Variants in VPS13B observed in about 807,000 individuals in gnomAD.
The protein encoded by VPS13B is vacuolar protein sorting 13 homolog B.
Under a neutral mutation model 426.4 loss-of-function variants are expected in VPS13B, and 285 were observed. The ratio of observed to expected loss-of-function variants is 0.67; its 90% CI spans 0.61 to 0.74. VPS13B has a LOEUF of 0.74. VPS13B is among the 30% of genes least tolerant of loss of function. VPS13B has a pLI of 0.00. For missense variants in VPS13B, 4,537 were observed against 4,782.6 expected (o/e 0.95, Z 1.51); for synonymous variants, 1,676 against 1,676.4 (o/e 1.00, Z 0.01).
At position 99,511,247 on chromosome 8, in the gene VPS13B, A is replaced by G; in HGVS notation, c.4368A>G (p.Leu1456=). 6.2e-7 allele frequency: 1 copy of G among 1,614,124 alleles called. No individual in the cohort carries two copies. The highest frequency in any genetic ancestry group is 8.5e-7 in the Non-Finnish European group (1 of 1,180,002). ...GTTTTCATAAGTTATCTGAAGGCCT[A>G]ATGGATGGTTCTCCTCATTTTCTTC... is the stretch of plus-strand genomic sequence containing the variant. ...RRSFHKLSEG[L]MDGSPHFLHE... is the part of the protein sequence containing the mutation. Residue 1456 remains leucine (L), a synonymous_variant, in exon 29 of 62, where the codon CTA becomes CTG. Transcript: ENST00000357162.
chr8:99,849,937 G>A (rs1479286181), intron 55 of VPS13B, among the ~76,000 whole-genome samples: 1 of 142,596 alleles, frequency 7.0e-6, no homozygotes, highest in African/African-American at 2.8e-5. Flanking sequence ...ACGCATGTAT[G>A]TACTTATACA....
At chr8:99,141,061 C>A (rs1810394245) in intron 12 of VPS13B, among the ~76,000 whole-genome samples, 1 of 151,920 alleles carries the variant, frequency 6.6e-6, no homozygotes, top group Non-Finnish European at 1.5e-5. Context: ...TTAGAGATAA[C>A]CAATTTTAGA....
intron 22 of VPS13B, among the ~76,000 whole-genome samples, chr8:99,440,060 T>C (rs1278486046): frequency 6.6e-6 from 1 of 152,140 alleles, no homozygotes; most frequent in African/African-American, 2.4e-5. Flanking sequence ...GGAATCAAAA[T>C]AGAGGTGGTT....
chr8:99,666,274 T>G (rs1588604727), intron 35 of VPS13B, among the ~76,000 whole-genome samples: 1 of 152,024 alleles, frequency 6.6e-6, no homozygotes, highest in Admixed American at 6.6e-5. Flanking sequence ...TTCCAATCAG[T>G]AGAAAAACAG....
At chr8:99,802,109 C>T (rs1387994582) in intron 43 of VPS13B, among the ~76,000 whole-genome samples, 1 of 151,178 alleles carries the variant, frequency 6.6e-6, no homozygotes, top group Non-Finnish European at 1.5e-5. Context: ...ATGATCGTGC[C>T]ACTACACTCA....
At chr8:99,791,671 A>G (rs557588537) in intron 43 of VPS13B, among the ~76,000 whole-genome samples, 1 of 151,792 alleles carries the variant, frequency 6.6e-6, no homozygotes, top group East Asian at 1.9e-4. Context: ...ATAAATGCCT[A>G]AGAAACTGAT....
chr8:99,673,214 T>C (rs913902538), intron 35 of VPS13B, among the ~76,000 whole-genome samples: 2 of 152,076 alleles, frequency 1.3e-5, no homozygotes, highest in African/African-American at 4.8e-5. Flanking sequence ...TGGTATTAGA[T>C]ATTTAAGTAC....
At chr8:99,204,086 T>G (rs1410368478) in intron 17 of VPS13B, among the ~76,000 whole-genome samples, 1 of 152,188 alleles carries the variant, frequency 6.6e-6, no homozygotes, top group Non-Finnish European at 1.5e-5. Flanking sequence ...ACTGGAGGCA[T>G]CATGGTACCT....
At chr8:99,491,167 T>A (rs990552745) in intron 25 of VPS13B, among the ~76,000 whole-genome samples, 3 of 152,362 alleles carry the variant, frequency 2.0e-5, no homozygotes, top group Middle Eastern at 3.4e-3. Context: ...ATTTACCTAG[T>A]AGTCATTCAC....
intron 17 of VPS13B, among the ~76,000 whole-genome samples, chr8:99,220,029 TTGAA>T (rs1473034541): frequency 6.6e-6 from 1 of 152,216 alleles, no homozygotes; most frequent in East Asian, 1.9e-4. Flanking sequence ...TCTGAGAGTT[TTGAA>T]CTTGGAACCA....
intron 21 of VPS13B, 123 bp from the exon 22 acceptor site, chr8:99,431,414 A>G (rs1817104768): frequency 2.4e-6 from 3 of 1,253,636 alleles, no homozygotes; most frequent in Admixed American, 2.1e-5. Context: ...ATGACAATTC[A>G]TAATCTCATA....
intron 17 of VPS13B, among the ~76,000 whole-genome samples, chr8:99,270,035 T>C (rs2132979097): frequency 6.6e-6 from 1 of 151,068 alleles, no homozygotes; most frequent in South Asian, 2.1e-4. Flanking sequence ...AATTTAAAAA[T>C]ACTTGAGAAA....
rs368367353 is a variant in VPS13B, at chr8:99,818,581, TC to T, written c.8445+49del. ...AAATATGGTATATGACTCTGACCTTTCCTGTTCTGAAATAAATTAAGGTCAG... is the reference window on the plus strand; with the variant it reads ...AAATATGGTATATGACTCTGACCTTTCTGTTCTGAAATAAATTAAGGTCAG... On this transcript the variant is annotated intron_variant, in intron 46 of 61. Transcript: ENST00000357162. 3.4e-3 allele frequency: 5,518 copies of T among 1,607,548 alleles called. 156 individuals are homozygous for T. The African/African-American group carries it at 0.065, about 19-fold the overall frequency.
chr8:99,142,977 C>G lies in VPS13B; in HGVS notation c.1655C>G (p.Ser552Cys), dbSNP rs763043279. ...TATAAAATTTGACTTCTTTTAGGTT[C>G]CACAAATCAACAAGACTTTTCTTCA... is the stretch of plus-strand genomic sequence containing the variant. The part of the protein sequence containing the change: ...YTMENTSGKG[S>C]TNQQDFSSGK... Residue 552 changes from serine (S) to cysteine (C), a missense_variant, in exon 13 of 62, where the codon TCC becomes TGC. Physicochemically the swap from Ser to Cys is moderately radical, Grantham distance 112. Coordinates refer to ENST00000357162, the MANE Select transcript of VPS13B (RefSeq NM_152564.5). 1.9e-6 allele frequency: 3 copies of G among 1,612,798 alleles called. No homozygotes were observed. The South Asian group carries it at 3.3e-5, about 18-fold the overall frequency.
At position 99,248,997 on chromosome 8, in the gene VPS13B, C is replaced by G. The variant is rs2132912396; in HGVS notation, c.2516-25201C>G. Among the ~76,000 whole-genome samples the G allele has an allele frequency of 2.0e-5, 3 of 152,272 alleles. No individual in the cohort carries two copies. The South Asian group carries it at 6.2e-4, about 32-fold the overall frequency. On this transcript the variant is annotated intron_variant, in intron 17 of 61. Coordinates refer to ENST00000357162, the MANE Select transcript of VPS13B (RefSeq NM_152564.5). ...GGTCTCAGTTTCAAAATCTTTATAT[C>G]ACTCCATAAAAATACCCCATAGCTT...
At chr8:99,196,709 G>T (rs1813954851) in intron 17 of VPS13B, among the ~76,000 whole-genome samples, 1 of 152,068 alleles carries the variant, frequency 6.6e-6, no homozygotes, top group Non-Finnish European at 1.5e-5. Flanking sequence ...AAAATACTGG[G>T]ATTACACGTG....
At chr8:99,814,178 T>C (rs1813886427) in intron 44 of VPS13B, among the ~76,000 whole-genome samples, 1 of 152,176 alleles carries the variant, frequency 6.6e-6, no homozygotes, top group Admixed American at 6.5e-5. Flanking sequence ...TTATAAATAG[T>C]TATTCATATT....
intron 19 of VPS13B, among the ~76,000 whole-genome samples, chr8:99,335,589 T>C (rs1242581666): frequency 3.9e-5 from 6 of 152,120 alleles, no homozygotes; most frequent in Non-Finnish European, 8.8e-5. Flanking sequence ...TGTTTGCAGA[T>C]GACATGATTG....
chr8:99,258,254 A>G (rs1338823273), intron 17 of VPS13B, among the ~76,000 whole-genome samples: 3 of 152,034 alleles, frequency 2.0e-5, no homozygotes, highest in East Asian at 3.9e-4. Flanking sequence ...ATTGACTAAT[A>G]TGAGAAGCAG....
Sources: gnomAD v4.1 joint callset for allele counts (sites outside exome capture counted in the v4.1 genomes callset) on GRCh38, gnomAD v4.1.1 for gene constraint, MANE v1.5 for transcripts, NCBI Gene and HGNC (gene_info 2026-07-23, HGNC 2026-07-21) for gene names.